Variants in SRGAP2 observed in about 807,000 individuals in gnomAD.
SRGAP2 encodes SLIT-ROBO Rho GTPase-activating protein 2.
A neutral mutation model predicts 57.2 loss-of-function variants in SRGAP2; 15 were observed. The ratio of observed to expected loss-of-function variants is 0.26; its 90% CI spans 0.18 to 0.40. The LOEUF (loss-of-function observed/expected upper bound fraction) is 0.40. Ranked by LOEUF, SRGAP2 falls within the 10% of genes least tolerant of loss-of-function variation. The pLI is 1.00. For missense variants in SRGAP2, 520 were observed against 669.6 expected (o/e 0.78, Z 2.47); for synonymous variants, 249 against 248.0 (o/e 1.00, Z -0.04).
chr1:206,410,087 A>C (rs1373475842), intron 10 of SRGAP2, among the ~76,000 whole-genome samples: 2 of 152,228 alleles, frequency 1.3e-5, no homozygotes, highest in Non-Finnish European at 1.5e-5. Flanking sequence ...GGGCAACAAG[A>C]GTGAAACTCC....
At chr1:206,296,175 G>C (rs1571783720) in intron 2 of SRGAP2, among the ~76,000 whole-genome samples, 1 of 151,522 alleles carries the variant, frequency 6.6e-6, no homozygotes, top group East Asian at 1.9e-4. Context: ...GCTTCTCTGG[G>C]CCAACTCCAT....
intron 2 of SRGAP2, among the ~76,000 whole-genome samples, chr1:206,287,291 G>A (rs1474775481): frequency 8.6e-5 from 13 of 150,782 alleles, no homozygotes; most frequent in Non-Finnish European, 1.3e-4. Context: ...CCTGTTAGAT[G>A]GCTATGAGGA....
chr1:206,461,751 C>T lies in SRGAP2; in HGVS notation c.*331C>T. On this transcript the variant is annotated 3_prime_UTR_variant, in exon 23 of 23. Transcript: ENST00000573034. ...GGACATGGGCTCAAGTCTCAGTCCC[C>T]TCAGACCACGGTGATGCCTTGACCA... 3.9e-6 allele frequency: 1 copy of T among 253,176 alleles called. No individual in the cohort carries two copies. Among genetic ancestry groups the T allele is most frequent in the Non-Finnish European group, 7.6e-6 (1 of 131,356 alleles). 15.7% of individuals were successfully genotyped at this position (253,176 alleles called of 1,614,324 possible).
chr1:206,286,019 G>T (rs1671004705), intron 2 of SRGAP2, among the ~76,000 whole-genome samples: 1 of 152,010 alleles, frequency 6.6e-6, no homozygotes, highest in Non-Finnish European at 1.5e-5. Flanking sequence ...CTGGCATCTG[G>T]ATTATGGTAG....
At chr1:206,418,916 G>C (rs1660027449) in intron 11 of SRGAP2, among the ~76,000 whole-genome samples, 2 of 151,762 alleles carry the variant, frequency 1.3e-5, no homozygotes, top group African/African-American at 4.8e-5. Context: ...GTGTGTGTGT[G>C]TGTGTGTGTG....
At chr1:206,251,823 G>A (rs1553311152) in intron 2 of SRGAP2, among the ~76,000 whole-genome samples, 1 of 89,960 alleles carries the variant, frequency 1.1e-5, no homozygotes, top group Non-Finnish European at 2.1e-5. Flanking sequence ...TCCTGCCTCA[G>A]CCTCCTAAGT....
At chr1:206,220,387 G>A (rs1666907846) in intron 2 of SRGAP2, among the ~76,000 whole-genome samples, 1 of 152,212 alleles carries the variant, frequency 6.6e-6, no homozygotes, top group African/African-American at 2.4e-5. Context: ...GAGTAGGAGT[G>A]AGGAGCTAGC....
chr1:206,401,783 CT>C lies in SRGAP2; in HGVS notation c.1056+140del, dbSNP rs1432598352. ...TGTCAGGTGGGTGAGGCACATTCCA[CT>C]TATTGAGCAAACAGTTAGTGAGTGC... is the stretch of plus-strand genomic sequence containing the variant. On this transcript the variant is annotated intron_variant, in intron 8 of 22. Coordinates refer to ENST00000573034, the MANE Select transcript of SRGAP2 (RefSeq NM_015326.5). 3 of 639,620 alleles carry C rather than the reference CT, an allele frequency of 4.7e-6. No individual in the cohort carries two copies. The East Asian group carries it at 8.1e-5, about 17-fold the overall frequency. 39.6% of individuals were successfully genotyped at this position (639,620 alleles called of 1,614,324 possible). A position where few individuals can be genotyped will look rare whatever the true frequency, so the allele number is the denominator to read the frequency against.
At chr1:206,446,413 C>T (rs1406996735) in intron 18 of SRGAP2, 114 bp downstream of exon 18, 14 of 702,976 alleles carry the variant, frequency 2.0e-5, no homozygotes, top group East Asian at 1.2e-4. Flanking sequence ...CAACTCCTCA[C>T]TCCCAGGCTG....
At chr1:206,429,609 A>C (rs1661112990) in intron 13 of SRGAP2, among the ~76,000 whole-genome samples, 1 of 152,268 alleles carries the variant, frequency 6.6e-6, no homozygotes, top group Non-Finnish European at 1.5e-5. Flanking sequence ...AGCAGAAGCT[A>C]GGGGAAAGAA....
At position 206,453,327 on chromosome 1, in the gene SRGAP2, G is replaced by T. The variant is rs1219480341; in HGVS notation, c.2307G>T (p.Arg769=). Residue 769 remains arginine (R), a synonymous_variant, in exon 20 of 23, where the codon CGG becomes CGT. Coordinates refer to ENST00000573034, the MANE Select transcript of SRGAP2 (RefSeq NM_015326.5). ...CTTCCGACGACTGGTGGGAAGGCCG[G>T]CACAATGGCATCGACGGACTCATCC... ...QRASDDWWEG[R]HNGIDGLIPH... 1.3e-6 allele frequency: 1 copy of T among 754,690 alleles called. No individual in the cohort carries two copies. Among genetic ancestry groups the T allele is most frequent in the Admixed American group, 1.8e-5 (1 of 56,332 alleles). 46.7% of individuals were successfully genotyped at this position (754,690 alleles called of 1,614,324 possible). A position where few individuals can be genotyped will look rare whatever the true frequency, so the allele number is the denominator to read the frequency against.
At chr1:206,398,955 G>C (rs1657881641) in intron 7 of SRGAP2, among the ~76,000 whole-genome samples, 1 of 151,942 alleles carries the variant, frequency 6.6e-6, no homozygotes, top group African/African-American at 2.4e-5. Context: ...GCAGAGGTCA[G>C]TGGATTTGGA....
At chr1:206,220,915 G>A (rs1454150395) in intron 2 of SRGAP2, among the ~76,000 whole-genome samples, 18 of 148,506 alleles carry the variant, frequency 1.2e-4, no homozygotes, top group African/African-American at 4.5e-4. Context: ...CAACCTGGCA[G>A]CCATTTATTT....
intron 13 of SRGAP2, among the ~76,000 whole-genome samples, chr1:206,424,451 T>G (rs1448524320): frequency 1.3e-5 from 2 of 152,114 alleles, no homozygotes; most frequent in Non-Finnish European, 2.9e-5. Context: ...GGTCAGGAGT[T>G]CGAGACCAGC....
At chr1:206,259,452 T>G (rs2102617332) in intron 2 of SRGAP2, among the ~76,000 whole-genome samples, 1 of 151,156 alleles carries the variant, frequency 6.6e-6, no homozygotes, top group African/African-American at 2.4e-5. Context: ...TCCTCCCACC[T>G]CAGCCTCCCA....
chr1:206,348,434 AAAG>A (rs1432588218), intron 4 of SRGAP2, among the ~76,000 whole-genome samples: 1 of 142,288 alleles, frequency 7.0e-6, no homozygotes, highest in African/African-American at 2.8e-5. Context: ...GGCATGTTCT[AAAG>A]AAGCCCACCA....
intron 8 of SRGAP2, among the ~76,000 whole-genome samples, chr1:206,401,846 G>A: frequency 6.6e-6 from 1 of 152,124 alleles, no homozygotes; most frequent in Non-Finnish European, 1.5e-5. Context: ...GCAGACATGG[G>A]GGATTAAAGC....
At chr1:206,374,305 C>T (rs1211937454) in intron 4 of SRGAP2, among the ~76,000 whole-genome samples, 14 of 150,378 alleles carry the variant, frequency 9.3e-5, no homozygotes, top group African/African-American at 3.5e-4. Flanking sequence ...CGTGAGCCAC[C>T]GCGCCCGGCC....
intron 11 of SRGAP2, among the ~76,000 whole-genome samples, chr1:206,417,384 G>A (rs546140120): frequency 8.1e-4 from 115 of 141,722 alleles, no homozygotes; most frequent in African/African-American, 2.9e-3. Context: ...GATTACAAGC[G>A]TGAGCCACCA....
Sources: gnomAD v4.1 joint callset for allele counts (sites outside exome capture counted in the v4.1 genomes callset) on GRCh38, gnomAD v4.1.1 for gene constraint, MANE v1.5 for transcripts, NCBI Gene and HGNC (gene_info 2026-07-23, HGNC 2026-07-21) for gene names.